Variants in AKAP6 observed in about 807,000 individuals in gnomAD.
The protein encoded by AKAP6 is A-kinase anchoring protein 6, also known as A-kinase anchor protein 6.
AKAP6 carries 58 observed loss-of-function variants against 188.5 expected under a neutral mutation model. That is an observed-to-expected ratio of 0.31 (90% CI 0.25 to 0.38). The LOEUF (loss-of-function observed/expected upper bound fraction) is 0.38. AKAP6 is among the 10% of genes least tolerant of loss of function. AKAP6 has a pLI of 1.00. For synonymous variants in AKAP6, 989 were observed against 998.6 expected, an observed-to-expected ratio of 0.99 and a Z score of 0.18; for missense variants, 2,710 against 2,740.0, an observed-to-expected ratio of 0.99 and a Z score of 0.24.
chr14:32,804,293 T>C (rs1431110402), intron 12 of AKAP6, among the ~76,000 whole-genome samples: 1 of 152,164 alleles, frequency 6.6e-6, no homozygotes, highest in Non-Finnish European at 1.5e-5. Context: ...GATTATCCCA[T>C]CTTACCTGCT....
At chr14:32,438,035 CTGT>C (rs1890445054) in intron 2 of AKAP6, among the ~76,000 whole-genome samples, 1 of 152,168 alleles carries the variant, frequency 6.6e-6, no homozygotes, top group African/African-American at 2.4e-5. Context: ...CAATTCACAC[CTGT>C]TGTTGTATAG....
intron 1 of AKAP6, among the ~76,000 whole-genome samples, chr14:32,336,442 G>A (rs10145282): frequency 0.22 from 33,217 of 152,080 alleles, 4,000 homozygotes; most frequent in East Asian, 0.37. Context: ...ATTGACAAAT[G>A]CATCAGATGT....
intron 5 of AKAP6, among the ~76,000 whole-genome samples, chr14:32,594,821 G>A (rs768337057): frequency 3.3e-5 from 5 of 152,138 alleles, no homozygotes; most frequent in East Asian, 1.9e-4. Context: ...AAAAAGTGTC[G>A]TCAAGTGTCT....
At chr14:32,532,421 A>G (rs1432723085) in intron 2 of AKAP6, among the ~76,000 whole-genome samples, 2 of 152,182 alleles carry the variant, frequency 1.3e-5, no homozygotes, top group Admixed American at 1.3e-4. Context: ...AACTGGCACC[A>G]ATGATACCTT....
At chr14:32,556,691 T>C (rs1433954242) in intron 4 of AKAP6, among the ~76,000 whole-genome samples, 1 of 152,202 alleles carries the variant, frequency 6.6e-6, no homozygotes, top group Non-Finnish European at 1.5e-5. Context: ...CAAATTATTT[T>C]CTCCCATTCT....
chr14:32,735,187 A>T (rs17099496), intron 10 of AKAP6, among the ~76,000 whole-genome samples: 12,415 of 152,220 alleles, frequency 0.082, 563 homozygotes, highest in Admixed American at 0.11. Context: ...AATGGAATTT[A>T]ATTCTCCGTG....
Position 32,546,804 on chromosome 14 carries a change from G to A in AKAP6, c.2151G>A (p.Leu717=). Residue 717 remains leucine, a synonymous_variant, in exon 4 of 14, where the codon CTG becomes CTA. Transcript: ENST00000280979. ...GGGAGAGCATTGAATCTGGGCCCCT[G>A]AGTGACATTCTTTCTGATGAGGAGT... ...SLGESIESGP[L]SDILSDEESS... is the part of the protein sequence containing the mutation. 2 of 1,614,116 alleles carry A rather than the reference G, an allele frequency of 1.2e-6. No homozygotes were observed. The highest frequency in any genetic ancestry group is 1.7e-6 in the Non-Finnish European group (2 of 1,180,012).
rs1276681403 is a variant in AKAP6 at position 32,831,174 on chromosome 14, A to C, written c.*1369A>C. The stretch of plus-strand genomic sequence containing the variant: ...AGAAAGCTAGTAGAAAAGTACAGAA[A>C]ATTTGACTATTATTTATAGATTTCA... On this transcript the variant is annotated 3_prime_UTR_variant, in exon 14 of 14. Transcript: ENST00000280979. 6.6e-6 allele frequency: 1 copy of C among 152,148 alleles called. No homozygotes were observed. The highest frequency in any genetic ancestry group is 1.5e-5 in the Non-Finnish European group (1 of 68,014). The allele number at this position is 152,148 out of a possible 1,614,324, so 9.4% of individuals were successfully genotyped here. A position where few individuals can be genotyped will look rare whatever the true frequency, so the allele number is the denominator to read the frequency against.
rs1491472020 is a variant in AKAP6 at position 32,510,403 on chromosome 14, T to TATGTATATATGTATATATATAC, written c.325-25151_325-25150insATGTATATATGTATATATATAC. Among the ~76,000 whole-genome samples, 49 of 98,340 alleles carry TATGTATATATGTATATATATAC rather than the reference T, an allele frequency of 5.0e-4. 1 individual carries two copies. Among genetic ancestry groups the TATGTATATATGTATATATATAC allele is most frequent in the African/African-American group, 2.2e-3 (49 of 22,320 alleles). 64.5% of individuals were successfully genotyped at this position (98,340 alleles called of 152,430 possible). On this transcript the variant is annotated intron_variant, in intron 2 of 13. Coordinates refer to ENST00000280979, the MANE Select transcript of AKAP6 (RefSeq NM_004274.5). The stretch of plus-strand genomic sequence containing the variant: ...GTGTATATATATATGTGTATATATA[T>TATGTATATATGTATATATATAC]GTATATATATGTATATATATACATA...
intron 1 of AKAP6, among the ~76,000 whole-genome samples, chr14:32,333,775 A>G (rs1886604323): frequency 6.6e-6 from 1 of 152,188 alleles, no homozygotes; most frequent in African/African-American, 2.4e-5. Flanking sequence ...GTGCATGTCT[A>G]TCTCAGTTGA....
intron 1 of AKAP6, among the ~76,000 whole-genome samples, chr14:32,377,632 T>G (rs1009838271): frequency 3.3e-5 from 5 of 152,150 alleles, no homozygotes; most frequent in Non-Finnish European, 7.4e-5. Flanking sequence ...AATCACTGCT[T>G]TCCTCCTACA....
intron 7 of AKAP6, among the ~76,000 whole-genome samples, chr14:32,626,156 T>G (rs143054584): frequency 2.6e-5 from 4 of 152,236 alleles, no homozygotes; most frequent in Non-Finnish European, 5.9e-5. Flanking sequence ...GACTGCAGAC[T>G]TACTTAGAAA....
At chr14:32,553,167 CT>C (rs397798236) in intron 4 of AKAP6, among the ~76,000 whole-genome samples, 154 of 132,556 alleles carry the variant, frequency 1.2e-3, no homozygotes, top group Non-Finnish European at 1.2e-3. Flanking sequence ...TTTTTCTTTT[CT>C]TTTTTTTTTT....
In AKAP6 at chr14:32,780,391, G is replaced by T. The variant is rs551664722; in HGVS notation, c.3588+6498G>T. Among the ~76,000 whole-genome samples the T allele has an allele frequency of 4.6e-5, 7 of 152,058 alleles. No homozygotes were observed. The South Asian group carries it at 1.5e-3, about 32-fold the overall frequency. ...TCTGAAGGGAAATGGAAAGATGTAG[G>T]TCAAAAGATATGAAGTTGGAGTTAT... On this transcript the variant is annotated intron_variant, in intron 12 of 13. Coordinates refer to ENST00000280979, the MANE Select transcript of AKAP6 (RefSeq NM_004274.5).
chr14:32,662,608 GT>G (rs1407419872), intron 7 of AKAP6, among the ~76,000 whole-genome samples: 1 of 152,090 alleles, frequency 6.6e-6, no homozygotes, highest in East Asian at 1.9e-4. Flanking sequence ...TTTGGCATGT[GT>G]ACTTCAAATG....
At chr14:32,827,048 C>T (rs10149720) in intron 13 of AKAP6, among the ~76,000 whole-genome samples, 2,230 of 152,162 alleles carry the variant, frequency 0.015, 50 homozygotes, top group African/African-American at 0.051. Context: ...TTTTACCAGA[C>T]GTTAGCATTG....
chr14:32,528,066 G>A (rs1457133521), intron 2 of AKAP6, among the ~76,000 whole-genome samples: 1 of 148,268 alleles, frequency 6.7e-6, no homozygotes, highest in African/African-American at 2.6e-5. Context: ...TATCTTATAG[G>A]ATTTTATGGT....
At chr14:32,691,745 G>A (rs1890186560) in intron 8 of AKAP6, among the ~76,000 whole-genome samples, 1 of 152,104 alleles carries the variant, frequency 6.6e-6, no homozygotes, top group African/African-American at 2.4e-5. Context: ...TTTTAATAGA[G>A]ACGGGGTTTC....
At chr14:32,445,225 T>C (rs1463900910) in intron 2 of AKAP6, among the ~76,000 whole-genome samples, 1 of 152,160 alleles carries the variant, frequency 6.6e-6, no homozygotes, top group Non-Finnish European at 1.5e-5. Flanking sequence ...TATGGTTTCT[T>C]CTCTGTCTGG....
Sources: allele counts gnomAD v4.1 joint callset (sites outside exome capture counted in the v4.1 genomes callset), GRCh38; gene constraint gnomAD v4.1.1; transcripts MANE v1.5; gene names NCBI Gene and HGNC (gene_info 2026-07-23, HGNC 2026-07-21).